Variants in UPP2 observed in about 807,000 individuals in gnomAD.
The protein encoded by UPP2 is uridine phosphorylase 2, also known as UPase 2.
A neutral mutation model predicts 26.7 loss-of-function variants in UPP2; 23 were observed. That is an observed-to-expected ratio of 0.86 (90% CI 0.62 to 1.22). UPP2 has a LOEUF of 1.22. Among genes scored for constraint, UPP2 ranks in the 50% most tolerant of loss-of-function variants. The pLI, the probability that UPP2 is intolerant of heterozygous loss-of-function variation, is 0.00. For synonymous variants in UPP2, 127 were observed against 141.3 expected (o/e 0.90, Z 0.72); for missense variants, 387 against 396.7 (o/e 0.98, Z 0.21).
chr2:158,014,060 T>C (rs574339157), intron 2 of UPP2, among the ~76,000 whole-genome samples: 92 of 152,338 alleles, frequency 6.0e-4, no homozygotes, highest in Middle Eastern at 3.4e-3. Flanking sequence ...TTAAGTAATG[T>C]TCTGTCTGTA....
chr2:158,073,092 A>G (rs1460714799), intron 3 of UPP2, among the ~76,000 whole-genome samples: 2 of 152,180 alleles, frequency 1.3e-5, no homozygotes, highest in Non-Finnish European at 2.9e-5. Context: ...TAACAAAGAG[A>G]AGGAATTCAG....
intron 3 of UPP2, among the ~76,000 whole-genome samples, chr2:158,080,141 T>G (rs1279056545): frequency 2.6e-5 from 4 of 152,178 alleles, no homozygotes; most frequent in African/African-American, 7.2e-5. Context: ...TTCATAAATT[T>G]TTATTTAAAA....
At chr2:158,031,721 A>T (rs553799086) in intron 3 of UPP2, among the ~76,000 whole-genome samples, 2 of 152,364 alleles carry the variant, frequency 1.3e-5, no homozygotes, top group Middle Eastern at 3.4e-3. Context: ...CAACTCTACC[A>T]TCAGAAGGCT....
chr2:158,009,053 C>A (rs544703604), intron 2 of UPP2, among the ~76,000 whole-genome samples: 1 of 152,240 alleles, frequency 6.6e-6, no homozygotes, highest in Non-Finnish European at 1.5e-5. Context: ...ATGATGGTCT[C>A]CTGAAATGCT....
chr2:158,055,975 G>A (rs1323101498), intron 3 of UPP2, among the ~76,000 whole-genome samples: 1 of 152,148 alleles, frequency 6.6e-6, no homozygotes, highest in Admixed American at 6.5e-5. Flanking sequence ...AGGTTAACAA[G>A]ACCTAAAAGA....
chr2:158,054,856 T>A (rs1682222092), intron 3 of UPP2, among the ~76,000 whole-genome samples: 1 of 152,244 alleles, frequency 6.6e-6, no homozygotes, highest in Non-Finnish European at 1.5e-5. Context: ...TTCAGTGGCA[T>A]TAAATAAATT....
At chr2:158,132,415 G>A (rs1015923266) in intron 6 of UPP2, among the ~76,000 whole-genome samples, 9 of 152,180 alleles carry the variant, frequency 5.9e-5, no homozygotes, top group Admixed American at 2.0e-4. Flanking sequence ...GCTCTGACCA[G>A]CTGTGTAATA....
intron 2 of UPP2, among the ~76,000 whole-genome samples, chr2:158,001,643 C>T (rs1015945454): frequency 3.9e-5 from 6 of 152,138 alleles, no homozygotes; most frequent in South Asian, 2.1e-4. Flanking sequence ...ACATCAAGCA[C>T]GCCCTAGATC....
Position 157,995,278 on chromosome 2 carries a change from G to T in UPP2, c.61+19G>T, listed in dbSNP as rs777739974. Reference sequence around the variant, plus strand: ...CCTGAAGGTTAGTGAGGGAAGAGGAGAAATACATTCATGTCTAAGCACATG... The same window carrying T: ...CCTGAAGGTTAGTGAGGGAAGAGGATAAATACATTCATGTCTAAGCACATG... On this transcript the variant is annotated intron_variant, in intron 2 of 9. Coordinates refer to the UPP2 transcript ENST00000605860. 2 of 1,613,020 alleles carry T rather than the reference G, an allele frequency of 1.2e-6. 1 individual carries two copies. The highest frequency in any genetic ancestry group is 2.2e-5 in the South Asian group (2 of 91,048).
intron 3 of UPP2, among the ~76,000 whole-genome samples, chr2:158,069,750 T>C (rs1485867378): frequency 6.6e-6 from 1 of 152,164 alleles, no homozygotes; most frequent in Non-Finnish European, 1.5e-5. Context: ...CCTCCAACAA[T>C]GTCTTGACTT....
At chr2:158,006,569 T>C (rs939826845) in intron 2 of UPP2, among the ~76,000 whole-genome samples, 2 of 151,216 alleles carry the variant, frequency 1.3e-5, no homozygotes, top group Non-Finnish European at 2.9e-5. Context: ...CTCAGATGCA[T>C]GGAAACTTCA....
rs143776523 is a variant in UPP2, at chr2:158,123,109, G to A, written c.665-640G>A. On this transcript the variant is annotated intron_variant, in intron 5 of 6. Coordinates refer to ENST00000005756, the MANE Select transcript of UPP2 (RefSeq NM_173355.4). ...CTATTTCTGGGTGTGCACAGGGTAC[G>A]GAAGGAGTAATGACATCAAGGTTTC... 1.7e-3 allele frequency among the ~76,000 whole-genome samples: 253 copies of A among 152,298 alleles called. 1 individual carries two copies. The highest frequency in any genetic ancestry group is 5.9e-3 in the African/African-American group (244 of 41,560).
chr2:158,051,803 A>AC (rs1553465565), intron 3 of UPP2, among the ~76,000 whole-genome samples: 5 of 120,900 alleles, frequency 4.1e-5, no homozygotes, highest in Admixed American at 8.3e-5. Flanking sequence ...AACAACAACA[A>AC]AACAAAACAA....
chr2:158,133,762 C>T (rs1464338920), intron 6 of UPP2: 1 of 152,098 alleles, frequency 6.6e-6, no homozygotes, highest in Non-Finnish European at 1.5e-5. Flanking sequence ...TAAACACTAC[C>T]CTCATGCCCA....
At chr2:158,055,058 T>C (rs530659494) in intron 3 of UPP2, among the ~76,000 whole-genome samples, 4 of 152,346 alleles carry the variant, frequency 2.6e-5, no homozygotes, top group African/African-American at 9.6e-5. Context: ...CTGTTGCTTA[T>C]AACAGAATAC....
chr2:158,066,638 T>C (rs1412675502), intron 3 of UPP2, among the ~76,000 whole-genome samples: 1 of 151,938 alleles, frequency 6.6e-6, no homozygotes, highest in African/African-American at 2.4e-5. Context: ...TTCTTTTTTT[T>C]TTTTTACCAT....
intron 2 of UPP2, among the ~76,000 whole-genome samples, chr2:158,004,270 G>T (rs114297482): frequency 6.6e-6 from 1 of 152,014 alleles, no homozygotes; most frequent in East Asian, 1.9e-4. Context: ...GTCGGGGGAT[G>T]ATCTGCCTTA....
chr2:158,117,283 C>A (rs1449625080), intron 3 of UPP2, among the ~76,000 whole-genome samples: 1 of 151,910 alleles, frequency 6.6e-6, no homozygotes, highest in Non-Finnish European at 1.5e-5. Context: ...AACTCACTTC[C>A]ATGTTCAGTT....
At chr2:158,036,881 A>C (rs1308316538) in intron 3 of UPP2, among the ~76,000 whole-genome samples, 1 of 152,202 alleles carries the variant, frequency 6.6e-6, no homozygotes, top group Non-Finnish European at 1.5e-5. Context: ...TACCAGACAC[A>C]CAGACACGGA....
Sources: gnomAD v4.1 joint callset for allele counts (sites outside exome capture counted in the v4.1 genomes callset) on GRCh38, gnomAD v4.1.1 for gene constraint, MANE v1.5 for transcripts, NCBI Gene and HGNC (gene_info 2026-07-23, HGNC 2026-07-21) for gene names.